The following PPARGC1A variants were observed in gnomAD, a reference collection of about 807,000 sequenced individuals.
PPARGC1A encodes the protein PPARG coactivator 1 alpha, also known as peroxisome proliferator-activated receptor gamma coactivator 1-alpha.
PPARGC1A carries 25 observed loss-of-function variants against 88.7 expected under a neutral mutation model. The observed-to-expected ratio is 0.28, with a 90% CI of 0.21 to 0.39. The LOEUF (loss-of-function observed/expected upper bound fraction) is 0.39. Ranked by LOEUF, PPARGC1A falls within the 10% of genes least tolerant of loss-of-function variation. The probability of loss-of-function intolerance (pLI) is 1.00; values close to 1 mark genes in which losing one functional copy is unlikely to be tolerated. For synonymous variants in PPARGC1A, 363 were observed against 355.6 expected (o/e 1.02, Z -0.24); for missense variants, 880 against 968.7 (o/e 0.91, Z 1.22).
At chr4:24,204,479 G>T in the PPARGC1A span, among the ~76,000 whole-genome samples, 1 of 151,914 alleles carries the variant, frequency 6.6e-6, no homozygotes, top group Non-Finnish European at 1.5e-5. Flanking sequence ...AGGAAGGGAG[G>T]AGGAAAGGAA....
the PPARGC1A span, among the ~76,000 whole-genome samples, chr4:24,375,793 A>T: frequency 3.9e-5 from 6 of 152,102 alleles, no homozygotes; most frequent in African/African-American, 1.4e-4. Context: ...GAACGGAGGT[A>T]TTTAGGTTCA....
chr4:24,400,315 C>G, the PPARGC1A span, among the ~76,000 whole-genome samples: 1 of 152,058 alleles, frequency 6.6e-6, no homozygotes, highest in African/African-American at 2.4e-5. Flanking sequence ...CAGCTTCCAT[C>G]GAATATAAAG....
the PPARGC1A span, among the ~76,000 whole-genome samples, chr4:24,436,497 C>T: frequency 6.6e-5 from 10 of 150,886 alleles, no homozygotes; most frequent in African/African-American, 2.5e-4. Context: ...AATTGGCCAC[C>T]CCAGAGCCCA....
chr4:24,449,772 T>C, the PPARGC1A span, among the ~76,000 whole-genome samples: 1 of 152,224 alleles, frequency 6.6e-6, no homozygotes, highest in Non-Finnish European at 1.5e-5. Flanking sequence ...CTATATTAAA[T>C]ACCTAAGTAA....
chr4:23,895,030 A>G (rs1718360822), upstream of PPARGC1A, among the ~76,000 whole-genome samples: 1 of 151,998 alleles, frequency 6.6e-6, no homozygotes, highest in African/African-American at 2.4e-5. Context: ...CACTATTTAA[A>G]ATTTTAAAGT....
rs771111065 is a variant in PPARGC1A, at chr4:23,795,904, T to C, written c.2315A>G (p.Asp772Gly). The C allele has an allele frequency of 1.2e-6, 2 of 1,611,666 alleles. No individual in the cohort carries two copies. The highest frequency in any genetic ancestry group is 2.7e-5 in the African/African-American group (2 of 74,760). The change falls in exon 13 of 13, where the codon GAC (aspartate) becomes GGC (glycine). Residue 772 changes from aspartate (D) to glycine (G), a missense_variant. Physicochemically the swap from Asp to Gly is moderately conservative, Grantham distance 94. Coordinates refer to ENST00000264867, the MANE Select transcript of PPARGC1A (RefSeq NM_013261.5). ...ATACTTGCTCTTGGTGGAAGCAGGGTCAAAGTCATCTGAGTTTGAATCTGA... is the reference window on the plus strand; with the variant it reads ...ATACTTGCTCTTGGTGGAAGCAGGGCCAAAGTCATCTGAGTTTGAATCTGA... ...ADLDSNSDDFDPASTKSKYDS... is the reference protein window; with the variant it reads ...ADLDSNSDDFGPASTKSKYDS...
At chr4:24,270,574 A>T in the PPARGC1A span, among the ~76,000 whole-genome samples, 9 of 152,180 alleles carry the variant, frequency 5.9e-5, no homozygotes, top group Non-Finnish European at 1.2e-4. Flanking sequence ...TTTCAGCTTT[A>T]CTATTCACTA....
the PPARGC1A span, among the ~76,000 whole-genome samples, chr4:24,369,704 G>A: frequency 6.6e-6 from 1 of 152,200 alleles, no homozygotes; most frequent in Non-Finnish European, 1.5e-5. Flanking sequence ...AGCTATAAAT[G>A]CAGCAAGAAG....
the PPARGC1A span, among the ~76,000 whole-genome samples, chr4:24,348,103 T>A: frequency 1.3e-5 from 2 of 152,206 alleles, no homozygotes; most frequent in African/African-American, 4.8e-5. Context: ...TGGCTGATAA[T>A]TGCTTTGTTT....
the PPARGC1A span, among the ~76,000 whole-genome samples, chr4:24,178,665 C>T: frequency 6.6e-6 from 1 of 152,154 alleles, no homozygotes; most frequent in African/African-American, 2.4e-5. Flanking sequence ...CAATCATTTA[C>T]CTGATGCATA....
the PPARGC1A span, among the ~76,000 whole-genome samples, chr4:24,326,388 T>C: frequency 1.2e-3 from 183 of 149,138 alleles, no homozygotes; most frequent in East Asian, 4.0e-3. Context: ...ATCCACCCCA[T>C]GGTGCCAAAC....
chr4:24,431,723 C>T, the PPARGC1A span, among the ~76,000 whole-genome samples: 1 of 152,212 alleles, frequency 6.6e-6, no homozygotes, highest in Non-Finnish European at 1.5e-5. Flanking sequence ...TGTCCTGTTT[C>T]CTCCACTAGA....
At chr4:24,464,571 T>A in the PPARGC1A span, among the ~76,000 whole-genome samples, 1 of 152,198 alleles carries the variant, frequency 6.6e-6, no homozygotes, top group Non-Finnish European at 1.5e-5. Flanking sequence ...CAACACACTT[T>A]CTAATACTCT....
At chr4:24,135,954 G>C in the PPARGC1A span, among the ~76,000 whole-genome samples, 1 of 152,178 alleles carries the variant, frequency 6.6e-6, no homozygotes, top group African/African-American at 2.4e-5. Flanking sequence ...AGGGTAAAAA[G>C]TGCTCATTAA....
chr4:24,229,361 C>G, the PPARGC1A span, among the ~76,000 whole-genome samples: 2 of 149,874 alleles, frequency 1.3e-5, no homozygotes, highest in East Asian at 4.1e-4. Context: ...GTTGGCCAGG[C>G]TGGTCTCGAA....
At chr4:24,353,442 A>C in the PPARGC1A span, among the ~76,000 whole-genome samples, 9 of 151,824 alleles carry the variant, frequency 5.9e-5, no homozygotes, top group Non-Finnish European at 1.3e-4. Context: ...TGTTTTATCA[A>C]CTGAAGAAAC....
chr4:24,279,971 G>C, the PPARGC1A span, among the ~76,000 whole-genome samples: 5 of 152,078 alleles, frequency 3.3e-5, no homozygotes, highest in African/African-American at 1.2e-4. Flanking sequence ...TATTATTAGA[G>C]AGGCCCAGCC....
chr4:23,814,704 A>G (rs1455849802), intron 7 of PPARGC1A, 99 bp from the exon 8 acceptor site: 8 of 1,177,912 alleles, frequency 6.8e-6, no homozygotes, highest in Non-Finnish European at 9.2e-6. Flanking sequence ...AATTTTTCCA[A>G]GATTTCAGAC....
the PPARGC1A span, among the ~76,000 whole-genome samples, chr4:24,161,959 TATACACACAC>T: frequency 3.4e-3 from 407 of 118,830 alleles, 2 homozygotes; most frequent in South Asian, 8.0e-3. Context: ...GAAATTGTGA[TATACACACAC>T]ACACACACAC....
Sources: gnomAD v4.1 joint callset for allele counts (sites outside exome capture counted in the v4.1 genomes callset) on GRCh38, gnomAD v4.1.1 for gene constraint, MANE v1.5 for transcripts, NCBI Gene and HGNC (gene_info 2026-07-23, HGNC 2026-07-21) for gene names.